The following CILK1 variants were observed in gnomAD, a reference collection of about 807,000 sequenced individuals.
CILK1 encodes the protein ciliogenesis associated kinase 1, also known as serine/threonine-protein kinase ICK.
CILK1 carries 47 observed loss-of-function variants against 79.2 expected under a neutral mutation model. The ratio of observed to expected loss-of-function variants is 0.59; its 90% CI spans 0.47 to 0.76. CILK1 has a LOEUF of 0.76. Ranked by LOEUF, CILK1 falls within the 30% of genes least tolerant of loss-of-function variation. The pLI, the probability that CILK1 is intolerant of heterozygous loss-of-function variation, is 0.00. For missense variants in CILK1, 660 were observed against 769.5 expected (o/e 0.86, Z 1.68); for synonymous variants, 266 against 275.9 (o/e 0.96, Z 0.36).
chr6:53,005,435 A>G lies in CILK1; in HGVS notation c.1745-132T>C, dbSNP rs866080231. Reference sequence around the variant, plus strand: ...AGGAGCATCTTGTCTCCTACTTATAATCTTCTCTACTGCAGTTAAAGACAT... The same window carrying G: ...AGGAGCATCTTGTCTCCTACTTATAGTCTTCTCTACTGCAGTTAAAGACAT... On this transcript the variant is annotated intron_variant, in intron 13 of 13. Coordinates refer to ENST00000676107, the MANE Select transcript of CILK1 (RefSeq NM_014920.5). The G allele has an allele frequency of 2.1e-5, 21 of 989,996 alleles. No homozygotes were observed. In the Middle Eastern group the frequency reaches 1.2e-3, roughly 58 times the overall value. The allele number at this position is 989,996 out of a possible 1,614,324, so 61.3% of individuals were successfully genotyped here.
chr6:53,036,751 C>T (rs1346594268), intron 3 of CILK1, among the ~76,000 whole-genome samples: 8 of 152,128 alleles, frequency 5.3e-5, no homozygotes, highest in Admixed American at 2.0e-4. Flanking sequence ...TATAAATGAA[C>T]GGTTGCAATC....
intron 1 of CILK1, among the ~76,000 whole-genome samples, chr6:53,051,133 G>A (rs773325693): frequency 1.3e-5 from 2 of 152,146 alleles, no homozygotes; most frequent in Non-Finnish European, 2.9e-5. Flanking sequence ...CACAAGGAAG[G>A]AGTCACTTTG....
intron 11 of CILK1, among the ~76,000 whole-genome samples, chr6:53,010,373 C>T (rs1328004974): frequency 2.0e-5 from 3 of 152,338 alleles, no homozygotes; most frequent in Non-Finnish European, 4.4e-5. Flanking sequence ...GACTCCAGCT[C>T]AGCCTGTGCC....
At chr6:53,018,607 T>C (rs1185358752) in intron 6 of CILK1, 106 bp from the exon 7 acceptor site, 28 of 1,110,856 alleles carry the variant, frequency 2.5e-5, no homozygotes, top group Non-Finnish European at 3.4e-5. Flanking sequence ...CTATTTTCTC[T>C]CTAGTTCACT....
chr6:53,045,680 G>C (rs1288835522), intron 1 of CILK1, among the ~76,000 whole-genome samples: 1 of 151,638 alleles, frequency 6.6e-6, no homozygotes, highest in Non-Finnish European at 1.5e-5. Context: ...GGTTTATAGG[G>C]ATGTAACCCC....
intron 5 of CILK1, among the ~76,000 whole-genome samples, chr6:53,030,526 C>T (rs1289465813): frequency 2.6e-5 from 4 of 152,214 alleles, no homozygotes; most frequent in Non-Finnish European, 5.9e-5. Context: ...ATAAAACTTG[C>T]TGGCATGCAT....
rs560933763 is a variant in CILK1, at chr6:53,027,354, T to C, written c.358+3711A>G. Reference sequence around the variant, plus strand: ...AGTTGAAACAGACCATTTGCATTAATTATTTAATTCCTGCAAAGGACATAT... The same window carrying C: ...AGTTGAAACAGACCATTTGCATTAACTATTTAATTCCTGCAAAGGACATAT... On this transcript the variant is annotated intron_variant, in intron 5 of 13. Transcript: ENST00000676107. Among the ~76,000 whole-genome samples the C allele has an allele frequency of 2.0e-5, 3 of 152,362 alleles. No homozygotes were observed. In the East Asian group the frequency reaches 5.8e-4, roughly 29 times the overall value.
intron 1 of CILK1, among the ~76,000 whole-genome samples, chr6:53,041,898 AT>A (rs1225616983): frequency 6.6e-6 from 1 of 151,932 alleles, no homozygotes. Context: ...TAGGTAAATA[AT>A]TACCTTACCT....
chr6:53,016,123 A>G lies in CILK1; in HGVS notation c.791T>C (p.Met264Thr), dbSNP rs539412313. The change falls in exon 8 of 14, where the codon ATG becomes ACG. Residue 264 changes from methionine to threonine, a missense_variant. Coordinates refer to ENST00000676107, the MANE Select transcript of CILK1 (RefSeq NM_014920.5). ...TCGTTTCTTGGGATCCCACTGAAGC[A>G]TGTCTCTCAGGAGCTGGACTGCTTC... ...SSEAVQLLRD[M>T]LQWDPKKRPT... 5 of 1,614,144 alleles carry G rather than the reference A, an allele frequency of 3.1e-6. No individual in the cohort carries two copies. In the Admixed American group the frequency reaches 8.3e-5, roughly 27 times the overall value.
At chr6:53,025,329 A>G (rs1581710706) in intron 5 of CILK1, among the ~76,000 whole-genome samples, 2 of 152,066 alleles carry the variant, frequency 1.3e-5, no homozygotes, top group South Asian at 4.2e-4. Context: ...CATCTAGAAC[A>G]CCCACCACAA....
Position 53,005,286 on chromosome 6 carries a change from C to T in CILK1, c.1762G>A (p.Ala588Thr), listed in dbSNP as rs761590214. 3.7e-6 allele frequency: 6 copies of T among 1,614,158 alleles called. No homozygotes were observed. In the African/African-American group the frequency reaches 5.3e-5, roughly 14 times the overall value. Reference sequence around the variant, plus strand: ...GGTCGCCCAGGATGAGGTCTCATGGCCTTCAGGGAGGAATAACCTGCAATG... The same window carrying T: ...GGTCGCCCAGGATGAGGTCTCATGGTCTTCAGGGAGGAATAACCTGCAATG... Reference protein sequence around the residue: ...DPSPGYSSLKAMRPHPGRPFF... With the variant: ...DPSPGYSSLKTMRPHPGRPFF... Residue 588 changes from alanine to threonine, a missense_variant, in exon 14 of 14, where the codon GCC (alanine) becomes ACC (threonine). By Grantham distance (58) the Ala-to-Thr change is moderately conservative (BLOSUM62 0). Coordinates refer to ENST00000676107, the MANE Select transcript of CILK1 (RefSeq NM_014920.5).
intron 3 of CILK1, among the ~76,000 whole-genome samples, chr6:53,034,294 T>C (rs1173265305): frequency 1.3e-5 from 2 of 152,236 alleles, no homozygotes; most frequent in African/African-American, 2.4e-5. Flanking sequence ...TGGCCAACTC[T>C]ATGGCAGCTC....
chr6:53,061,096 G>A (rs1768409993), intron 1 of CILK1: 1 of 152,204 alleles, frequency 6.6e-6, no homozygotes. Flanking sequence ...TAATGTTAGT[G>A]TCAAAGTCAA....
Position 53,013,787 on chromosome 6 carries a change from G to A in CILK1, c.1027C>T (p.Pro343Ser), listed in dbSNP as rs2127411350. 1 of 1,614,128 alleles carries A rather than the reference G, an allele frequency of 6.2e-7. No individual in the cohort carries two copies. Among genetic ancestry groups the A allele is most frequent in the East Asian group, 2.2e-5 (1 of 44,876 alleles). ...ISSRQHQASQPPLHLTYPYKA... is the reference protein window; with the variant it reads ...ISSRQHQASQSPLHLTYPYKA... Reference sequence around the variant, plus strand: ...TAGGGGTACGTGAGATGCAGAGGGGGCTGGCTGGCTTGATGCTGTCGTGAA... The same window carrying A: ...TAGGGGTACGTGAGATGCAGAGGGGACTGGCTGGCTTGATGCTGTCGTGAA... The change falls in exon 9 of 14, where the codon CCC (proline) becomes TCC (serine). Residue 343 changes from proline (P) to serine (S), a missense_variant. Physicochemically the swap from Pro to Ser is moderately conservative, Grantham distance 74. Coordinates refer to ENST00000676107, the MANE Select transcript of CILK1 (RefSeq NM_014920.5).
chr6:53,048,831 A>G (rs2127462037), intron 1 of CILK1, among the ~76,000 whole-genome samples: 1 of 152,334 alleles, frequency 6.6e-6, no homozygotes, highest in South Asian at 2.1e-4. Flanking sequence ...AAGGAATTCT[A>G]CTTCCTTACT....
chr6:53,029,442 A>G (rs750081748), intron 5 of CILK1, among the ~76,000 whole-genome samples: 2 of 152,230 alleles, frequency 1.3e-5, no homozygotes, highest in Admixed American at 6.5e-5. Flanking sequence ...TGCATAGTAC[A>G]TGCTGATTAC....
Position 53,013,840 on chromosome 6 carries a change from G to A in CILK1, c.974C>T (p.Pro325Leu), listed in dbSNP as rs1199917341. ...PYIKPVPPAQPPAKPHTRISS... is the reference protein window; with the variant it reads ...PYIKPVPPAQLPAKPHTRISS... ...AATTCGTGTGTGTGGCTTGGCTGGT[G>A]GCTGGGCAGGTGGGACTGGCTTAAT... The change falls in exon 9 of 14, where the codon CCA becomes CTA. Residue 325 changes from proline to leucine, a missense_variant. By Grantham distance (98) the Pro-to-Leu change is moderately conservative (BLOSUM62 -3). Transcript: ENST00000676107. 1.1e-5 allele frequency: 18 copies of A among 1,613,964 alleles called. No individual in the cohort carries two copies. The highest frequency in any genetic ancestry group is 3.3e-4 in the Middle Eastern group (2 of 6,084).
In CILK1 at chr6:53,012,057, C is replaced by T; in HGVS notation, c.1323G>A (p.Gln441=). Residue 441 remains glutamine (Q), a synonymous_variant, in exon 10 of 14, where the codon CAG becomes CAA. Coordinates refer to ENST00000676107, the MANE Select transcript of CILK1 (RefSeq NM_014920.5). ...SRIDLKNKKR[Q]SDDTLCRFES... ...CTTGCCTGCAGAGAGTGTCATCACT[C>T]TGTCTTTTCTTGTTTTTCAGGTCAA... 1 of 1,614,230 alleles carries T rather than the reference C, an allele frequency of 6.2e-7. No homozygotes were observed. Among genetic ancestry groups the T allele is most frequent in the East Asian group, 2.2e-5 (1 of 44,884 alleles).
chr6:53,023,079 G>C (rs768943741), intron 5 of CILK1, among the ~76,000 whole-genome samples: 3 of 151,872 alleles, frequency 2.0e-5, no homozygotes, highest in African/African-American at 7.3e-5. Context: ...GACTACAGGC[G>C]CCTGCCACCA....
Sources: gnomAD v4.1 joint callset for allele counts (sites outside exome capture counted in the v4.1 genomes callset) on GRCh38, gnomAD v4.1.1 for gene constraint, MANE v1.5 for transcripts, NCBI Gene and HGNC (gene_info 2026-07-23, HGNC 2026-07-21) for gene names.